The following WASF2 variants were observed in gnomAD, a reference collection of about 807,000 sequenced individuals.
WASF2 encodes the protein WASP family member 2.
Under a neutral mutation model 45.0 loss-of-function variants are expected in WASF2, and 14 were observed. The observed-to-expected ratio is 0.31, with a 90% confidence interval of 0.21 to 0.49. WASF2 has a LOEUF of 0.49. WASF2 is among the 20% of genes least tolerant of loss of function. The probability of loss-of-function intolerance (pLI) is 0.99; values close to 1 mark genes in which losing one functional copy is unlikely to be tolerated. For missense variants in WASF2, 439 were observed against 636.1 expected, an observed-to-expected ratio of 0.69 and a Z score of 3.33; for synonymous variants, 200 against 236.3, an observed-to-expected ratio of 0.85 and a Z score of 1.41.
chr1:27,417,995 G>C (rs1255765177), intron 4 of WASF2, among the ~76,000 whole-genome samples: 1 of 152,104 alleles, frequency 6.6e-6, no homozygotes, highest in East Asian at 1.9e-4. Flanking sequence ...GATGGACCTG[G>C]CTTATATGAA....
intron 1 of WASF2, among the ~76,000 whole-genome samples, chr1:27,454,153 G>GTATA (rs869245464): frequency 4.2e-4 from 41 of 98,666 alleles, no homozygotes; most frequent in East Asian, 1.6e-3. Flanking sequence ...GTGTGTGTGT[G>GTATA]TATATATATA....
At chr1:27,479,808 T>C (rs1285853377) in intron 1 of WASF2, among the ~76,000 whole-genome samples, 2 of 152,214 alleles carry the variant, frequency 1.3e-5, no homozygotes, top group African/African-American at 4.8e-5. Flanking sequence ...GAAGCTGCAG[T>C]GAGCCAAGAT....
In WASF2 at chr1:27,445,331, G is replaced by A. The variant is rs560333364; in HGVS notation, c.-43-16398C>T. 1.2e-3 allele frequency among the ~76,000 whole-genome samples: 190 copies of A among 152,280 alleles called. 1 individual carries two copies. The highest frequency in any genetic ancestry group is 0.011 in the South Asian group (55 of 4,824). The stretch of plus-strand genomic sequence containing the variant: ...TAACTTTATGAAAGTCACACAGACA[G>A]ACAGCTTTCAAACCCAGGTCCAACT... On this transcript the variant is annotated intron_variant, in intron 1 of 8. Transcript: ENST00000618852.
intron 1 of WASF2, among the ~76,000 whole-genome samples, chr1:27,454,181 ATATATATTTTTTTT>A (rs1273565277): frequency 3.7e-3 from 36 of 9,762 alleles, no homozygotes; most frequent in African/African-American, 6.6e-3. Flanking sequence ...ATATATATAT[ATATATATTTTTTTT>A]TTTTTTTTTT....
At chr1:27,451,538 T>C (rs146373611) in intron 1 of WASF2, among the ~76,000 whole-genome samples, 29 of 152,270 alleles carry the variant, frequency 1.9e-4, no homozygotes, top group African/African-American at 6.5e-4. Context: ...CTAAAAGCTA[T>C]AGGGAGCTAT....
chr1:27,424,545 T>C (rs559568535), intron 2 of WASF2, among the ~76,000 whole-genome samples: 1 of 146,540 alleles, frequency 6.8e-6, no homozygotes, highest in Non-Finnish European at 1.5e-5. Flanking sequence ...TTTTTTTTGG[T>C]TGCCCAGGCT....
intron 7 of WASF2, among the ~76,000 whole-genome samples, chr1:27,411,388 T>G (rs1252631803): frequency 6.6e-6 from 1 of 152,210 alleles, no homozygotes; most frequent in Non-Finnish European, 1.5e-5. Context: ...ATGGACGAAT[T>G]TGGAGTTTCA....
At chr1:27,484,357 G>A (rs2017894671) in intron 1 of WASF2, among the ~76,000 whole-genome samples, 1 of 152,056 alleles carries the variant, frequency 6.6e-6, no homozygotes, top group Non-Finnish European at 1.5e-5. Context: ...GTAAACAGAA[G>A]TTTCTCATAT....
At chr1:27,488,502 C>T (rs2017977582) in intron 1 of WASF2, among the ~76,000 whole-genome samples, 1 of 152,160 alleles carries the variant, frequency 6.6e-6, no homozygotes, top group Admixed American at 6.6e-5. Context: ...CCACTCTGAA[C>T]CAAAGTCTAG....
chr1:27,420,967 G>C (rs1452455199), intron 2 of WASF2, among the ~76,000 whole-genome samples: 1 of 152,158 alleles, frequency 6.6e-6, no homozygotes, highest in Non-Finnish European at 1.5e-5. Context: ...ATTTGAGGGG[G>C]AAAAAATAGC....
rs1038354528 is a variant in WASF2 at position 27,410,509 on chromosome 1, C to T, written c.825-303G>A. 2.0e-5 allele frequency among the ~76,000 whole-genome samples: 3 copies of T among 152,206 alleles called. No homozygotes were observed. Among genetic ancestry groups the T allele is most frequent in the Non-Finnish European group, 4.4e-5 (3 of 68,030 alleles). On this transcript the variant is annotated intron_variant, in intron 7 of 8. Coordinates refer to ENST00000618852, the MANE Select transcript of WASF2 (RefSeq NM_006990.5). This position sits in a 1 kb window ranked among gnomAD's most constrained non-coding sequence, Gnocchi z 4.2. The stretch of plus-strand genomic sequence containing the variant: ...AGCTGAGACATCTCTTCGGCCCCCT[C>T]TGCCTTTCCAGCTCTAAGGGGAAGG...
At chr1:27,464,316 G>A (rs2017586845) in intron 1 of WASF2, among the ~76,000 whole-genome samples, 1 of 151,938 alleles carries the variant, frequency 6.6e-6, no homozygotes. Context: ...AGGAGGTAGA[G>A]GTTAGGTTAC....
chr1:27,478,672 T>C (rs1357408105), intron 1 of WASF2, among the ~76,000 whole-genome samples: 1 of 152,074 alleles, frequency 6.6e-6, no homozygotes, highest in Non-Finnish European at 1.5e-5. Flanking sequence ...AAACTCCGCC[T>C]CCCAGGTTCA....
chr1:27,440,777 C>T (rs1464820591), intron 1 of WASF2, among the ~76,000 whole-genome samples: 1 of 152,026 alleles, frequency 6.6e-6, no homozygotes, highest in Non-Finnish European at 1.5e-5. Flanking sequence ...CTCAGACTTA[C>T]AAGAGAATAG....
intron 1 of WASF2, among the ~76,000 whole-genome samples, chr1:27,466,505 CA>C (rs904458510): frequency 6.6e-6 from 1 of 152,158 alleles, no homozygotes; most frequent in Non-Finnish European, 1.5e-5. Context: ...TATGGAGCAC[CA>C]AAACCAGGGC....
At position 27,416,046 on chromosome 1, in the gene WASF2, A is replaced by C; in HGVS notation, c.476T>G (p.Leu159Arg). ...GTCCTGCAGCATCTTCTCCTTCCAA[A>C]GATCAAAGAAGTATGAAGGGTCTGT... Reference protein sequence around the residue: ...FYTDPSYFFDLWKEKMLQDTK... With the variant: ...FYTDPSYFFDRWKEKMLQDTK... The change falls in exon 5 of 9, where the codon CTT (leucine) becomes CGT (arginine). Residue 159 changes from leucine (L) to arginine (R), a missense_variant. Physicochemically the swap from Leu to Arg is moderately radical, Grantham distance 102 (BLOSUM62 -2). This residue lies in a region of WASF2 where 98 missense variants were observed against 120.7 expected (regional missense o/e 0.81). Transcript: ENST00000618852. 6.2e-7 allele frequency: 1 copy of C among 1,614,082 alleles called. No individual in the cohort carries two copies.
At chr1:27,462,197 C>G (rs1194509840) in intron 1 of WASF2, among the ~76,000 whole-genome samples, 4 of 150,398 alleles carry the variant, frequency 2.7e-5, no homozygotes, top group Non-Finnish European at 5.9e-5. Context: ...AGGCTGGTCT[C>G]AAACTCTTGA....
At chr1:27,464,577 A>G (rs187116314) in intron 1 of WASF2, among the ~76,000 whole-genome samples, 106 of 152,294 alleles carry the variant, frequency 7.0e-4, no homozygotes, top group African/African-American at 2.5e-3. Context: ...CACAGAGTCA[A>G]TAGGCCACAC....
rs2016671976 is a variant in WASF2, at chr1:27,406,185, G to A, written c.*2004C>T. The A allele has an allele frequency of 6.5e-6, 1 of 152,694 alleles. No homozygotes were observed. 9.5% of individuals were successfully genotyped at this position (152,694 alleles called of 1,614,324 possible). On this transcript the variant is annotated 3_prime_UTR_variant, in exon 9 of 9. Transcript: ENST00000618852. Reference sequence around the variant, plus strand: ...AGGCGCCTTCAACGACCATTTTAGGGTTCTGATGAAAGCACCTTCGGCTTC... The same window carrying A: ...AGGCGCCTTCAACGACCATTTTAGGATTCTGATGAAAGCACCTTCGGCTTC...
Sources: gnomAD v4.1 joint callset for allele counts (sites outside exome capture counted in the v4.1 genomes callset) on GRCh38, gnomAD v4.1.1 for gene constraint, gnomAD v4.1.1 regional missense constraint, Gnocchi (gnomAD v3.1) non-coding constraint, MANE v1.5 for transcripts, NCBI Gene and HGNC (gene_info 2026-07-23, HGNC 2026-07-21) for gene names.